Variants in SLCO3A1 observed in about 807,000 individuals in gnomAD.
SLCO3A1 encodes PGE1 transporter.
A neutral mutation model predicts 63.1 loss-of-function variants in SLCO3A1; 27 were observed. The observed-to-expected ratio is 0.43, with a 90% confidence interval of 0.32 to 0.59. SLCO3A1 has a LOEUF of 0.59. SLCO3A1 is among the 20% of genes least tolerant of loss of function. The probability of loss-of-function intolerance (pLI) is 0.09; values close to 1 mark genes in which losing one functional copy is unlikely to be tolerated. For synonymous variants in SLCO3A1, 473 were observed against 409.9 expected (o/e 1.15, Z -1.86); for missense variants, 773 against 945.8 (o/e 0.82, Z 2.40).
At chr15:92,098,396 C>T (rs551675448) in intron 3 of SLCO3A1, among the ~76,000 whole-genome samples, 14 of 152,320 alleles carry the variant, frequency 9.2e-5, no homozygotes, top group Non-Finnish European at 1.3e-4. Context: ...GTTCCCTTTG[C>T]TCCTCAGCTC....
chr15:92,124,934 G>A (rs1000526960), intron 5 of SLCO3A1, among the ~76,000 whole-genome samples: 9 of 152,284 alleles, frequency 5.9e-5, no homozygotes, highest in East Asian at 3.9e-4. Flanking sequence ...TGGGCAGTGC[G>A]GTGCAGGATG....
chr15:92,143,268 G>C (rs1438629432), intron 7 of SLCO3A1, among the ~76,000 whole-genome samples: 8 of 134,578 alleles, frequency 5.9e-5, no homozygotes, highest in Non-Finnish European at 1.2e-4. Context: ...AAGATGGATG[G>C]TTGCAAGTAG....
rs1332961066 is a variant in SLCO3A1 at position 91,885,511 on chromosome 15, G to T, written c.181-30482G>T. 2.0e-5 allele frequency among the ~76,000 whole-genome samples: 3 copies of T among 152,214 alleles called. No homozygotes were observed. Among genetic ancestry groups the T allele is most frequent in the African/African-American group, 4.8e-5 (2 of 41,456 alleles). On this transcript the variant is annotated intron_variant, in intron 1 of 9. Transcript: ENST00000318445. This position sits in a 1 kb window ranked among gnomAD's most constrained non-coding sequence, Gnocchi z 4.7. ...ACAAATCATACATTACAGGAAAAGG[G>T]AGCCCTTTGCTGCTGGGCAGCGGGG...
intron 1 of SLCO3A1, among the ~76,000 whole-genome samples, chr15:91,876,396 G>A (rs1033932911): frequency 7.2e-5 from 11 of 152,176 alleles, no homozygotes; most frequent in Non-Finnish European, 1.2e-4. Flanking sequence ...GGGCACCAAC[G>A]CAGACTGCCA....
At position 91,998,462 on chromosome 15, in the gene SLCO3A1, A is replaced by AG. The variant is rs1348355168; in HGVS notation, c.646+82004_646+82005insG. Among the ~76,000 whole-genome samples, 14 of 152,252 alleles carry AG rather than the reference A, an allele frequency of 9.2e-5. 1 individual carries two copies. Among genetic ancestry groups the AG allele is most frequent in the African/African-American group, 3.4e-4 (14 of 41,536 alleles). Reference sequence around the variant, plus strand: ...GAGTGAGACTCTGCCTCAAAAATAAAAAAAAAAGTGGGCAAAAGACATGAA... The same window carrying AG: ...GAGTGAGACTCTGCCTCAAAAATAAAGAAAAAAAGTGGGCAAAAGACATGAA... On this transcript the variant is annotated intron_variant, in intron 2 of 9. Coordinates refer to ENST00000318445, the MANE Select transcript of SLCO3A1 (RefSeq NM_013272.4).
chr15:91,923,758 C>G lies in SLCO3A1; in HGVS notation c.646+7300C>G, dbSNP rs541161582. Among the ~76,000 whole-genome samples, 15 of 152,250 alleles carry G rather than the reference C, an allele frequency of 9.9e-5. No homozygotes were observed. The South Asian group carries it at 3.1e-3, about 32-fold the overall frequency. On this transcript the variant is annotated intron_variant, in intron 2 of 9. Transcript: ENST00000318445. ...GGTATATTTTATTCCAGCCTTTTTT[C>G]TTTGTATATCGTTTTGCTTAGTTAA...
intron 7 of SLCO3A1, among the ~76,000 whole-genome samples, chr15:92,139,370 C>T (rs1242408319): frequency 6.6e-6 from 1 of 151,604 alleles, no homozygotes; most frequent in African/African-American, 2.4e-5. Context: ...CTGCTGGATT[C>T]GTTTTGCCAG....
At chr15:92,052,429 C>CACCTGGGTAAGAACTAGAT (rs1258008619) in intron 2 of SLCO3A1, among the ~76,000 whole-genome samples, 2 of 152,254 alleles carry the variant, frequency 1.3e-5, no homozygotes, top group East Asian at 1.9e-4. Context: ...ATCCTAGACT[C>CACCTGGGTAAGAACTAGAT]ACCTGGGTAA....
At chr15:92,046,810 T>C (rs1489055072) in intron 2 of SLCO3A1, among the ~76,000 whole-genome samples, 1 of 150,174 alleles carries the variant, frequency 6.7e-6, no homozygotes, top group Non-Finnish European at 1.5e-5. Context: ...TTTTTCGTTG[T>C]CTGTCACCTA....
At chr15:92,087,132 G>A (rs1424098603) in intron 2 of SLCO3A1, among the ~76,000 whole-genome samples, 3 of 152,114 alleles carry the variant, frequency 2.0e-5, no homozygotes, top group Non-Finnish European at 4.4e-5. Flanking sequence ...CGTGTTGTGA[G>A]GTGAGGCTCA....
At position 92,031,695 on chromosome 15, in the gene SLCO3A1, T is replaced by A. The variant is rs1271472249; in HGVS notation, c.647-63186T>A. On this transcript the variant is annotated intron_variant, in intron 2 of 9. Transcript: ENST00000318445. ...GCGGGTACATAGTAGGTGAATATAT[T>A]TATGGGGTACATGAGATATTTTGAA... Among the ~76,000 whole-genome samples, 4 of 152,152 alleles carry A rather than the reference T, an allele frequency of 2.6e-5. No individual in the cohort carries two copies. In the East Asian group the frequency reaches 7.7e-4, roughly 29 times the overall value.
rs568261638 is a variant in SLCO3A1, at chr15:91,960,451, A to G, written c.646+43993A>G. 1.6e-3 allele frequency among the ~76,000 whole-genome samples: 248 copies of G among 152,246 alleles called. 1 individual carries two copies. Among genetic ancestry groups the G allele is most frequent in the African/African-American group, 5.7e-3 (238 of 41,538 alleles). ...GAATAATTCTGCTCTGAAGGTTTGT[A>G]TACACATTTGGTGTGGACGAGGCAA... On this transcript the variant is annotated intron_variant, in intron 2 of 9. Coordinates refer to ENST00000318445, the MANE Select transcript of SLCO3A1 (RefSeq NM_013272.4).
intron 2 of SLCO3A1, among the ~76,000 whole-genome samples, chr15:92,068,610 C>T (rs558175912): frequency 4.6e-5 from 7 of 152,182 alleles, no homozygotes; most frequent in East Asian, 1.9e-4. Flanking sequence ...GGGGCCACAA[C>T]GCTCCAGTCA....
chr15:91,985,849 G>A (rs749689701), intron 2 of SLCO3A1, among the ~76,000 whole-genome samples: 53 of 152,182 alleles, frequency 3.5e-4, no homozygotes, highest in Non-Finnish European at 5.4e-4. Context: ...GAGACAGGAC[G>A]GAAGGAGGAA....
At chr15:91,879,530 A>G (rs906457123) in intron 1 of SLCO3A1, among the ~76,000 whole-genome samples, 5 of 152,158 alleles carry the variant, frequency 3.3e-5, no homozygotes, top group Non-Finnish European at 5.9e-5. Context: ...ATGCCTATAC[A>G]TGTAACAAAT....
chr15:91,943,236 AT>A (rs71465721), intron 2 of SLCO3A1, among the ~76,000 whole-genome samples: 3 of 151,798 alleles, frequency 2.0e-5, no homozygotes. Context: ...ACAACTCCCC[AT>A]TCCCCCTCCC....
chr15:91,853,870 A>AGCGGCAGCG lies in SLCO3A1; in HGVS notation c.-33_-25dup. On this transcript the variant is annotated 5_prime_UTR_variant, in exon 1 of 10. Coordinates refer to ENST00000318445, the MANE Select transcript of SLCO3A1 (RefSeq NM_013272.4). ...CCCCGACACCCGGGGCGAGCGGGAA[A>AGCGGCAGCG]GCGGCAGCGGCGGCGGCGGCGGCGG... 1 of 1,251,798 alleles carries AGCGGCAGCG rather than the reference A, an allele frequency of 8.0e-7. No homozygotes were observed. Among genetic ancestry groups the AGCGGCAGCG allele is most frequent in the Non-Finnish European group, 1.0e-6 (1 of 1,002,466 alleles). 77.5% of individuals were successfully genotyped at this position (1,251,798 alleles called of 1,614,324 possible). A position where few individuals can be genotyped will look rare whatever the true frequency, so the allele number is the denominator to read the frequency against.
intron 2 of SLCO3A1, among the ~76,000 whole-genome samples, chr15:92,094,175 G>A (rs2047510927): frequency 6.6e-6 from 1 of 152,156 alleles, no homozygotes; most frequent in African/African-American, 2.4e-5. Flanking sequence ...GTATCGATCA[G>A]ATACTTAAGC....
intron 2 of SLCO3A1, among the ~76,000 whole-genome samples, chr15:92,011,685 C>T (rs1438927347): frequency 6.6e-6 from 1 of 152,232 alleles, no homozygotes; most frequent in African/African-American, 2.4e-5. Flanking sequence ...TACTGACTCA[C>T]CTTCTCAAAG....
Sources: allele counts gnomAD v4.1 joint callset (sites outside exome capture counted in the v4.1 genomes callset), GRCh38; gene constraint gnomAD v4.1.1; non-coding constraint Gnocchi (gnomAD v3.1); transcripts MANE v1.5; gene names NCBI Gene and HGNC (gene_info 2026-07-23, HGNC 2026-07-21).